WDR59: variants seen among roughly 807,000 people sequenced by gnomAD.
WDR59 encodes the protein WD repeat domain 59.
WDR59 carries 100 observed loss-of-function variants against 131.2 expected under a neutral mutation model. The observed-to-expected ratio is 0.76, with a 90% CI of 0.65 to 0.90. WDR59 has a LOEUF of 0.90. Among genes scored for constraint, WDR59 ranks in the 40% least tolerant of loss-of-function variants. The pLI is 0.00. For synonymous variants in WDR59, 601 were observed against 466.2 expected (o/e 1.29, Z -3.72); for missense variants, 1,203 against 1,262.2 (o/e 0.95, Z 0.71).
At chr16:74,972,718 G>A (rs1307977055) in intron 1 of WDR59, among the ~76,000 whole-genome samples, 1 of 149,918 alleles carries the variant, frequency 6.7e-6, no homozygotes, top group East Asian at 2.0e-4. Flanking sequence ...CTACTCAGGA[G>A]GCTGAGGCAC....
rs117788748 is a variant in WDR59, at chr16:74,946,917, G to A, written c.445+1602C>T. On this transcript the variant is annotated intron_variant, in intron 6 of 25. Coordinates refer to ENST00000262144, the MANE Select transcript of WDR59 (RefSeq NM_030581.4). ...TCCAATGCACCAAGGAGATACAAAC[G>A]GACAGAATTTAAGAGACAGATAACA... Among the ~76,000 whole-genome samples the A allele has an allele frequency of 9.7e-5, 14 of 145,068 alleles. No individual in the cohort carries two copies. The East Asian group carries it at 2.9e-3, about 30-fold the overall frequency.
chr16:74,877,769 T>C (rs1964285853), intron 25 of WDR59, among the ~76,000 whole-genome samples: 2 of 152,170 alleles, frequency 1.3e-5, no homozygotes, highest in African/African-American at 4.8e-5. Flanking sequence ...GGTCTCGAAC[T>C]CCTGACCTCA....
intron 23 of WDR59, 82 bp downstream of exon 23, chr16:74,887,601 C>T (rs1204671135): frequency 1.6e-6 from 2 of 1,271,560 alleles, no homozygotes; most frequent in African/African-American, 3.0e-5. Context: ...AATATGGAGA[C>T]TAAGCATCAA....
Position 74,951,655 on chromosome 16 carries a change from C to G in WDR59, c.241-112G>C, listed in dbSNP as rs1397132194. ...CAGGGATCTCATGCATGGCAAAGAT[C>G]CTTCAGGCTGAACTTTTCTTTAAAA... is the stretch of plus-strand genomic sequence containing the variant. On this transcript the variant is annotated intron_variant, in intron 3 of 25. Transcript: ENST00000262144. The G allele has an allele frequency of 3.4e-6, 3 of 889,672 alleles. No homozygotes were observed. The East Asian group carries it at 8.0e-5, about 24-fold the overall frequency. The allele number at this position is 889,672 out of a possible 1,614,324, so 55.1% of individuals were successfully genotyped here. A position where few individuals can be genotyped will look rare whatever the true frequency, so the allele number is the denominator to read the frequency against.
At position 74,949,963 on chromosome 16, in the gene WDR59, G is replaced by A. The variant is rs778852081; in HGVS notation, c.327-165C>T. ...TCCAAAGTTCCTTGGGAACGAACAT[G>A]AGTTTGGAAGGAAACTGTCAGGTCC... On this transcript the variant is annotated intron_variant, in intron 4 of 25. Coordinates refer to ENST00000262144, the MANE Select transcript of WDR59 (RefSeq NM_030581.4). 12 of 702,708 alleles carry A rather than the reference G, an allele frequency of 1.7e-5. No homozygotes were observed. In the East Asian group the frequency reaches 3.2e-4, roughly 19 times the overall value. 43.5% of individuals were successfully genotyped at this position (702,708 alleles called of 1,614,324 possible).
At chr16:74,952,457 A>T (rs910697312) in intron 3 of WDR59, among the ~76,000 whole-genome samples, 17 of 150,840 alleles carry the variant, frequency 1.1e-4, no homozygotes, top group Admixed American at 9.3e-4. Flanking sequence ...AAAAAAAAAA[A>T]AAAAAAAAAG....
chr16:74,889,635 A>G (rs1964943122), intron 21 of WDR59, 68 bp downstream of exon 21: 2 of 1,272,860 alleles, frequency 1.6e-6, no homozygotes, highest in Non-Finnish European at 2.3e-6. Flanking sequence ...AGGTGGTGAC[A>G]TTTCAAGTGT....
chr16:74,934,712 C>T (rs1174271317), intron 8 of WDR59, among the ~76,000 whole-genome samples: 1 of 152,166 alleles, frequency 6.6e-6, no homozygotes, highest in Admixed American at 6.6e-5. Context: ...CTTTGGGAGG[C>T]TGAAGCAGGA....
chr16:74,972,481 G>A (rs1355526475), intron 1 of WDR59, among the ~76,000 whole-genome samples: 1 of 152,084 alleles, frequency 6.6e-6, no homozygotes, highest in Non-Finnish European at 1.5e-5. Context: ...GCATAAAATG[G>A]AGGTAGCCTG....
chr16:74,948,622 C>G lies in WDR59; in HGVS notation c.408-66G>C, dbSNP rs1163976174. On this transcript the variant is annotated intron_variant, in intron 5 of 25. Transcript: ENST00000262144. Reference sequence around the variant, plus strand: ...GCCACCACCCACCTGGTATTTTTCACCCTTTGCACACAATTCTTCGCTTTC... The same window carrying G: ...GCCACCACCCACCTGGTATTTTTCAGCCTTTGCACACAATTCTTCGCTTTC... 3 of 1,304,988 alleles carry G rather than the reference C, an allele frequency of 2.3e-6. 1 individual carries two copies. Among genetic ancestry groups the G allele is most frequent in the South Asian group, 2.4e-5 (2 of 84,444 alleles). The allele number at this position is 1,304,988 out of a possible 1,614,324, so 80.8% of individuals were successfully genotyped here.
intron 18 of WDR59, among the ~76,000 whole-genome samples, 194 bp downstream of exon 18, chr16:74,903,753 G>A (rs375235793): frequency 1.3e-5 from 2 of 152,178 alleles, no homozygotes. Context: ...ACGGCCCCCT[G>A]ACCCATACAC....
At chr16:74,891,101 A>C (rs55836977) in intron 20 of WDR59, among the ~76,000 whole-genome samples, 26,975 of 145,762 alleles carry the variant, frequency 0.19, 2,629 homozygotes, top group Middle Eastern at 0.25. Flanking sequence ...CGACAGAGCG[A>C]GACTCTGTCT....
In WDR59 at chr16:74,965,785, GCATGC is replaced by G; in HGVS notation, c.87_91del (p.Gln29HisfsTer41). 1 of 1,614,076 alleles carries G rather than the reference GCATGC, an allele frequency of 6.2e-7. No homozygotes were observed. The highest frequency in any genetic ancestry group is 8.5e-7 in the Non-Finnish European group (1 of 1,180,008). On this transcript the variant is annotated frameshift_variant, in exon 2 of 26. Coordinates refer to ENST00000262144, the MANE Select transcript of WDR59 (RefSeq NM_030581.4). LOFTEE classifies it high-confidence loss of function. ...CAAGCTTACTTACCCAGAAAGCACTGCATGCTGCCCAAGACAGTCCACAGACATCG... is the reference window on the plus strand; with the variant it reads ...CAAGCTTACTTACCCAGAAAGCACTGTGCCCAAGACAGTCCACAGACATCG...
At chr16:74,940,245 G>C (rs1436363998) in intron 7 of WDR59, among the ~76,000 whole-genome samples, 1 of 151,958 alleles carries the variant, frequency 6.6e-6, no homozygotes, top group Non-Finnish European at 1.5e-5. Flanking sequence ...CAGGCGTGGT[G>C]GTGGGCACCT....
At chr16:74,904,255 T>C (rs1965696211) in intron 17 of WDR59, 155 bp from the exon 18 acceptor site, 5 of 818,060 alleles carry the variant, frequency 6.1e-6, no homozygotes, top group Non-Finnish European at 1.9e-6. Context: ...CACTGAAAAA[T>C]GCTTTATCTG....
intron 2 of WDR59, among the ~76,000 whole-genome samples, chr16:74,964,158 A>G (rs2033672094): frequency 6.6e-6 from 1 of 152,152 alleles, no homozygotes; most frequent in Non-Finnish European, 1.5e-5. Context: ...AGCCGGGCAG[A>G]TCACTAGGTC....
chr16:74,949,330 CAAAAAAAAAAAAA>C (rs550013099), intron 5 of WDR59, among the ~76,000 whole-genome samples: 4 of 42,620 alleles, frequency 9.4e-5, no homozygotes, highest in African/African-American at 2.5e-4. Context: ...TACCTTGTCT[CAAAAAAAAAAAAA>C]AAAAAAAAAA....
chr16:74,971,426 CTTTT>C (rs58120924), intron 1 of WDR59, among the ~76,000 whole-genome samples: 176 of 90,158 alleles, frequency 2.0e-3, no homozygotes, highest in African/African-American at 7.4e-3. Flanking sequence ...TCTTTCCTTC[CTTTT>C]TTTTTTTTTT....
intron 1 of WDR59, among the ~76,000 whole-genome samples, chr16:74,974,424 T>C (rs1164915372): frequency 1.3e-5 from 2 of 152,138 alleles, no homozygotes; most frequent in African/African-American, 2.4e-5. Context: ...GCTTAACATA[T>C]ACCGACCACT....
Sources: allele counts gnomAD v4.1 joint callset (sites outside exome capture counted in the v4.1 genomes callset), GRCh38; gene constraint gnomAD v4.1.1; transcripts MANE v1.5; gene names NCBI Gene and HGNC (gene_info 2026-07-23, HGNC 2026-07-21).